The following HERC5 variants were observed in gnomAD, a reference collection of about 807,000 sequenced individuals.
HERC5 encodes E3 ISG15--protein ligase HERC5.
A neutral mutation model predicts 119.6 loss-of-function variants in HERC5; 99 were observed. The ratio of observed to expected loss-of-function variants is 0.83; its 90% CI spans 0.70 to 0.98. The LOEUF (loss-of-function observed/expected upper bound fraction) is 0.98, where lower values mean the gene tolerates loss of function less well. Among genes scored for constraint, HERC5 ranks in the 50% least tolerant of loss-of-function variants. HERC5 has a pLI of 0.00. For missense variants in HERC5, 1,267 were observed against 1,241.3 expected, an observed-to-expected ratio of 1.02 and a Z score of -0.31; for synonymous variants, 478 against 445.9, an observed-to-expected ratio of 1.07 and a Z score of -0.91.
At chr4:88,469,061 A>G (rs1740774766) in intron 8 of HERC5, 96 bp from the exon 9 acceptor site, 3 of 692,812 alleles carry the variant, frequency 4.3e-6, no homozygotes, top group East Asian at 2.7e-5. Flanking sequence ...ACACATATTT[A>G]AAAGTCAGTT....
chr4:88,474,431 C>G (rs1740983557), intron 11 of HERC5, among the ~76,000 whole-genome samples: 1 of 152,028 alleles, frequency 6.6e-6, no homozygotes, highest in Admixed American at 6.6e-5. Context: ...CACAGTAATT[C>G]TAAGGGTTTG....
chr4:88,493,167 CT>C lies in HERC5; in HGVS notation c.2277+14del, dbSNP rs1741699360. ...GGTTTCCTGTCAAGGTAAGTTCCCTCTTCTTTGCTTAAGGTATTTTGCGACA... is the reference window on the plus strand; with the variant it reads ...GGTTTCCTGTCAAGGTAAGTTCCCTCTCTTTGCTTAAGGTATTTTGCGACA... On this transcript the variant is annotated intron_variant, in intron 17 of 22. Transcript: ENST00000264350. 2.5e-6 allele frequency: 4 copies of C among 1,589,526 alleles called. No homozygotes were observed. In the South Asian group the frequency reaches 3.3e-5, roughly 13 times the overall value.
At chr4:88,497,946 C>T (rs1214373547) in intron 18 of HERC5, among the ~76,000 whole-genome samples, 3 of 152,186 alleles carry the variant, frequency 2.0e-5, no homozygotes, top group Admixed American at 6.5e-5. Flanking sequence ...AGGACCTGGA[C>T]ATTTGATGTC....
At chr4:88,479,791 G>C (rs1578054440) in intron 13 of HERC5, among the ~76,000 whole-genome samples, 2 of 152,178 alleles carry the variant, frequency 1.3e-5, no homozygotes, top group East Asian at 3.9e-4. Context: ...TGCTGGGCCG[G>C]GCGCGTTGGC....
intron 8 of HERC5, 132 bp from the exon 9 acceptor site, chr4:88,469,025 C>CT (rs1284049328): frequency 1.7e-6 from 1 of 593,748 alleles, no homozygotes; most frequent in African/African-American, 1.9e-5. Context: ...TTGAGTATCA[C>CT]TTTGTGATTG....
chr4:88,488,651 G>A (rs1229292678), intron 15 of HERC5, among the ~76,000 whole-genome samples: 2 of 151,766 alleles, frequency 1.3e-5, no homozygotes, highest in Non-Finnish European at 2.9e-5. Flanking sequence ...TAACTTCTTA[G>A]GTAAATTCTC....
At chr4:88,460,044 G>A (rs374801710) in intron 2 of HERC5, 51 bp from the exon 3 acceptor site, 2 of 1,010,560 alleles carry the variant, frequency 2.0e-6, no homozygotes, top group Middle Eastern at 2.1e-4. Context: ...TAAAATCCAT[G>A]TTGTAACTTT....
intron 8 of HERC5, among the ~76,000 whole-genome samples, chr4:88,468,922 G>A (rs995400803): frequency 1.3e-5 from 2 of 152,148 alleles, no homozygotes; most frequent in Non-Finnish European, 2.9e-5. Context: ...TGTATAAAGT[G>A]CTGAGTGTTG....
intron 12 of HERC5, among the ~76,000 whole-genome samples, chr4:88,478,240 A>T (rs1741151732): frequency 6.6e-6 from 1 of 152,256 alleles, no homozygotes; most frequent in Non-Finnish European, 1.5e-5. Context: ...AATTGTATTT[A>T]TTCAGTGAAA....
chr4:88,500,965 A>T lies in HERC5; in HGVS notation c.2562A>T (p.Ile854=). The T allele has an allele frequency of 6.2e-7, 1 of 1,611,740 alleles. No homozygotes were observed. Among genetic ancestry groups the T allele is most frequent in the Non-Finnish European group, 8.5e-7 (1 of 1,179,122 alleles). The change falls in exon 20 of 23, where the codon ATA becomes ATT. Residue 854 remains isoleucine, a synonymous_variant. Transcript: ENST00000264350. ...ACTTAATTCCTAATGGAAGTAGCATAACTGTCAACCAGACTAACAAGTAGG... is the reference window on the plus strand; with the variant it reads ...ACTTAATTCCTAATGGAAGTAGCATTACTGTCAACCAGACTAACAAGTAGG... ...DTNLIPNGSS[I]TVNQTNKRDY...
chr4:88,504,607 A>C lies in HERC5; in HGVS notation c.2869+10A>C, dbSNP rs1300386090. 1 of 1,448,864 alleles carries C rather than the reference A, an allele frequency of 6.9e-7. No individual in the cohort carries two copies. The highest frequency in any genetic ancestry group is 1.4e-5 in the African/African-American group (1 of 70,220). 89.8% of individuals were successfully genotyped at this position (1,448,864 alleles called of 1,614,324 possible). A position where few individuals can be genotyped will look rare whatever the true frequency, so the allele number is the denominator to read the frequency against. On this transcript the variant is annotated intron_variant, in intron 22 of 22. Transcript: ENST00000264350. The stretch of plus-strand genomic sequence containing the variant: ...AAGAAAAAATTCCTTGGTAAGTATT[A>C]TATCAAGGAATAGATCTGTAATCGT...
intron 6 of HERC5, among the ~76,000 whole-genome samples, chr4:88,464,191 TA>T (rs1437706147): frequency 6.4e-5 from 9 of 141,112 alleles, no homozygotes; most frequent in East Asian, 2.5e-4. Flanking sequence ...TTTTTTTTTT[TA>T]AATGAGCAGA....
At chr4:88,494,746 G>A (rs1741750981) in intron 18 of HERC5, among the ~76,000 whole-genome samples, 1 of 152,230 alleles carries the variant, frequency 6.6e-6, no homozygotes, top group Non-Finnish European at 1.5e-5. Flanking sequence ...TATCCCTGCT[G>A]TGTAAAGCAT....
intron 13 of HERC5, among the ~76,000 whole-genome samples, chr4:88,479,991 C>T (rs889623355): frequency 4.0e-5 from 6 of 150,686 alleles, no homozygotes; most frequent in African/African-American, 7.3e-5. Flanking sequence ...GGCGTGAACC[C>T]GGGAGGCGGA....
Position 88,500,898 on chromosome 4 carries a change from T to C in HERC5, c.2512-17T>C. Reference sequence around the variant, plus strand: ...AATTATGTTGGAGATATTATCTGAGTTCATTTGCGGTTACAGGTGCACTGG... The same window carrying C: ...AATTATGTTGGAGATATTATCTGAGCTCATTTGCGGTTACAGGTGCACTGG... On this transcript the variant is annotated splice_polypyrimidine_tract_variant and intron_variant, in intron 19 of 22. Coordinates refer to ENST00000264350, the MANE Select transcript of HERC5 (RefSeq NM_016323.4). 1 of 1,590,580 alleles carries C rather than the reference T, an allele frequency of 6.3e-7. No individual in the cohort carries two copies. The highest frequency in any genetic ancestry group is 8.6e-7 in the Non-Finnish European group (1 of 1,162,578).
chr4:88,492,970 T>G, intron 16 of HERC5, 42 bp from the exon 17 acceptor site: 1 of 1,600,580 alleles, frequency 6.2e-7, no homozygotes, highest in Non-Finnish European at 8.5e-7. Flanking sequence ...TATAGCAATA[T>G]AGAGCCCTGG....
intron 17 of HERC5, 41 bp from the exon 18 acceptor site, chr4:88,494,123 TA>T: frequency 7.6e-7 from 1 of 1,311,826 alleles, no homozygotes. Flanking sequence ...ATTGTACTGG[TA>T]AAAACTCATA....
At chr4:88,489,467 G>A in intron 16 of HERC5, 131 bp downstream of exon 16, 1 of 853,084 alleles carries the variant, frequency 1.2e-6, no homozygotes, top group East Asian at 2.6e-5. Context: ...GGGTTCCTCT[G>A]ATTCCCTAGT....
At chr4:88,488,817 C>G (rs1741547187) in intron 15 of HERC5, among the ~76,000 whole-genome samples, 1 of 152,052 alleles carries the variant, frequency 6.6e-6, no homozygotes, top group Admixed American at 6.6e-5. Context: ...TGCACTGTTT[C>G]AGTGGATACC....
Sources: gnomAD v4.1 joint callset for allele counts (sites outside exome capture counted in the v4.1 genomes callset) on GRCh38, gnomAD v4.1.1 for gene constraint, MANE v1.5 for transcripts, NCBI Gene and HGNC (gene_info 2026-07-23, HGNC 2026-07-21) for gene names.